The following ASIC2 variants were observed in gnomAD, a reference collection of about 807,000 sequenced individuals.
ASIC2 encodes the protein acid sensing ion channel subunit 2.
In ASIC2, 25 loss-of-function variants were observed where a neutral mutation model predicts 57.3. That is an observed-to-expected ratio of 0.44 (90% CI 0.32 to 0.61). The LOEUF (loss-of-function observed/expected upper bound fraction) is 0.61. Ranked by LOEUF, ASIC2 falls within the 20% of genes least tolerant of loss-of-function variation. ASIC2 has a pLI of 0.06. For synonymous variants in ASIC2, 319 were observed against 307.5 expected (o/e 1.04, Z -0.39); for missense variants, 641 against 738.1 (o/e 0.87, Z 1.52).
intron 1 of ASIC2, among the ~76,000 whole-genome samples, chr17:33,979,713 A>G (rs1360948): frequency 0.14 from 21,564 of 152,178 alleles, 1,896 homozygotes; most frequent in East Asian, 0.36. Context: ...TTGTGAAAGT[A>G]CAAATTCAGG....
At chr17:33,988,141 T>G (rs962451346) in intron 1 of ASIC2, among the ~76,000 whole-genome samples, 1 of 152,168 alleles carries the variant, frequency 6.6e-6, no homozygotes, top group Non-Finnish European at 1.5e-5. Flanking sequence ...GTAACACATT[T>G]AGAAATATAA....
chr17:33,697,164 C>T (rs1395449154), intron 1 of ASIC2, among the ~76,000 whole-genome samples: 1 of 152,190 alleles, frequency 6.6e-6, no homozygotes, highest in African/African-American at 2.4e-5. Context: ...GAGGCCTCCC[C>T]AGATGCTGAG....
In ASIC2 at chr17:34,020,295, T is replaced by C. The variant is rs142026748; in HGVS notation, c.555+135683A>G. 4.8e-3 allele frequency among the ~76,000 whole-genome samples: 731 copies of C among 152,304 alleles called. 4 individuals carry two copies. The highest frequency in any genetic ancestry group is 0.038 in the East Asian group (197 of 5,170). Reference sequence around the variant, plus strand: ...AATGAATAAATGGCTCCACTCCGCCTGGCAGCCTCTTTACTCTAACTGCCT... The same window carrying C: ...AATGAATAAATGGCTCCACTCCGCCCGGCAGCCTCTTTACTCTAACTGCCT... On this transcript the variant is annotated intron_variant, in intron 1 of 9. Coordinates refer to the ASIC2 transcript ENST00000359872.
At chr17:33,994,619 C>A (rs190454547) in intron 1 of ASIC2, among the ~76,000 whole-genome samples, 2 of 152,206 alleles carry the variant, frequency 1.3e-5, no homozygotes, top group African/African-American at 2.4e-5. Flanking sequence ...CAGCAACGTG[C>A]GAAGTTAGCT....
intron 1 of ASIC2, among the ~76,000 whole-genome samples, chr17:34,034,574 C>T (rs1907776938): frequency 6.6e-6 from 1 of 152,168 alleles, no homozygotes; most frequent in South Asian, 2.1e-4. Flanking sequence ...GTCAAATTGT[C>T]CCTGTTTGCA....
chr17:34,124,811 C>G (rs2142122199), intron 1 of ASIC2, among the ~76,000 whole-genome samples: 1 of 152,096 alleles, frequency 6.6e-6, no homozygotes, highest in African/African-American at 2.4e-5. Flanking sequence ...GTCATGGGGT[C>G]TCCACACTCA....
chr17:34,068,378 T>C (rs1189602459), intron 1 of ASIC2, among the ~76,000 whole-genome samples: 3 of 152,076 alleles, frequency 2.0e-5, no homozygotes, highest in Non-Finnish European at 4.4e-5. Context: ...TGGGGATGAG[T>C]TGATCACCTT....
At chr17:33,316,488 A>G (rs1032446973) in intron 1 of ASIC2, among the ~76,000 whole-genome samples, 7 of 152,192 alleles carry the variant, frequency 4.6e-5, no homozygotes, top group African/African-American at 1.7e-4. Context: ...AGGTTTCGCC[A>G]TGTTGGCCGG....
chr17:33,527,214 G>C (rs1277800641), intron 1 of ASIC2, among the ~76,000 whole-genome samples: 1 of 152,190 alleles, frequency 6.6e-6, no homozygotes, highest in Non-Finnish European at 1.5e-5. Flanking sequence ...AGGGTGCACT[G>C]TCCAGTGGGC....
intron 1 of ASIC2, among the ~76,000 whole-genome samples, chr17:33,606,691 C>A (rs961232118): frequency 3.3e-5 from 5 of 152,100 alleles, no homozygotes; most frequent in African/African-American, 1.2e-4. Context: ...TTTACTGATT[C>A]ATGAATGAAT....
At chr17:33,808,983 C>A (rs367846445) in intron 1 of ASIC2, among the ~76,000 whole-genome samples, 1 of 152,206 alleles carries the variant, frequency 6.6e-6, no homozygotes, top group South Asian at 2.1e-4. Context: ...CTTTCTGAGT[C>A]ATTCTTGCCT....
intron 1 of ASIC2, among the ~76,000 whole-genome samples, chr17:33,912,662 G>A (rs926946446): frequency 6.6e-6 from 1 of 152,132 alleles, no homozygotes; most frequent in Non-Finnish European, 1.5e-5. Flanking sequence ...AGAAAAACTA[G>A]AGACTGTCAA....
rs547540587 is a variant in ASIC2 at position 33,848,473 on chromosome 17, CAG to C, written c.555+307503_555+307504del. On this transcript the variant is annotated intron_variant, in intron 1 of 9. Coordinates refer to the ASIC2 transcript ENST00000359872. ...GTTGTAGCCCAAAAGCAACAGAGGA[CAG>C]GCACTGAGCTGCTGGTGCCCTCCCT... Among the ~76,000 whole-genome samples, 41 of 152,282 alleles carry C rather than the reference CAG, an allele frequency of 2.7e-4. 1 individual carries two copies. The South Asian group carries it at 8.1e-3, about 30-fold the overall frequency.
intron 1 of ASIC2, chr17:34,036,676 ATTTGTTTTTTTTT>A: frequency 9.1e-6 from 1 of 110,108 alleles, no homozygotes; most frequent in African/African-American, 3.8e-5. Context: ...GATACTTTGA[ATTTGTTTTTTTTT>A]TTTTTTTTTT....
At chr17:33,337,306 T>G (rs1212432282) in intron 1 of ASIC2, among the ~76,000 whole-genome samples, 1 of 152,208 alleles carries the variant, frequency 6.6e-6, no homozygotes, top group East Asian at 1.9e-4. Context: ...CCTGAGCCAC[T>G]TTATATACAT....
intron 1 of ASIC2, among the ~76,000 whole-genome samples, chr17:33,351,506 G>A (rs1210956164): frequency 1.3e-5 from 2 of 152,076 alleles, no homozygotes; most frequent in African/African-American, 4.8e-5. Context: ...TATTTACACA[G>A]CCCCCAGGTA....
At chr17:33,278,361 A>T (rs1567808136) in intron 1 of ASIC2, among the ~76,000 whole-genome samples, 1 of 152,046 alleles carries the variant, frequency 6.6e-6, no homozygotes, top group Non-Finnish European at 1.5e-5. Context: ...GACTGACGTA[A>T]AATCAGTTAG....
At chr17:33,618,471 A>C (rs529737976) in intron 1 of ASIC2, among the ~76,000 whole-genome samples, 2 of 152,284 alleles carry the variant, frequency 1.3e-5, no homozygotes, top group South Asian at 4.1e-4. Context: ...AAAGCCAAAA[A>C]CAAAGTACAA....
At chr17:33,832,476 G>A (rs908523101) in intron 1 of ASIC2, among the ~76,000 whole-genome samples, 1 of 152,138 alleles carries the variant, frequency 6.6e-6, no homozygotes, top group Non-Finnish European at 1.5e-5. Context: ...TCTAGACAAA[G>A]GCAGTTCAGG....
Sources: allele counts gnomAD v4.1 joint callset (sites outside exome capture counted in the v4.1 genomes callset), GRCh38; gene constraint gnomAD v4.1.1; transcripts MANE v1.5; gene names NCBI Gene and HGNC (gene_info 2026-07-23, HGNC 2026-07-21).